Variants in B4GALNT2 observed in about 807,000 individuals in gnomAD.
B4GALNT2 encodes beta-1,4-N-acetyl-galactosaminyltransferase 2 (SID blood group).
In B4GALNT2, 42 loss-of-function variants were observed where a neutral mutation model predicts 51.1. The observed-to-expected ratio is 0.82, with a 90% CI of 0.64 to 1.06. The LOEUF is 1.06. Ranked by LOEUF, B4GALNT2 falls within the 50% of genes least tolerant of loss-of-function variation. B4GALNT2 has a pLI of 0.00. For synonymous variants in B4GALNT2, 253 were observed against 251.7 expected (o/e 1.01, Z -0.05); for missense variants, 602 against 633.6 (o/e 0.95, Z 0.54).
intron 7 of B4GALNT2, 93 bp from the exon 8 acceptor site, chr17:49,163,995 G>T (rs1348546369): frequency 1.6e-6 from 2 of 1,276,844 alleles, no homozygotes; most frequent in Non-Finnish European, 2.2e-6. Context: ...ACACTGACAG[G>T]TTATGGCAGA....
Position 49,136,082 on chromosome 17 carries a change from C to CAA in B4GALNT2, c.14+3290_14+3291dup, listed in dbSNP as rs60290551. On this transcript the variant is annotated intron_variant, in intron 1 of 10. Coordinates refer to ENST00000393354, the MANE Select transcript of B4GALNT2 (RefSeq NM_001159387.2). ...TGGGCAACAGAGCGAGACTCTGGAT[C>CAA]AAAAAAAAAAAAAAAGAAAATCCTG... 7.8e-3 allele frequency among the ~76,000 whole-genome samples: 927 copies of CAA among 119,448 alleles called. 6 individuals carry two copies. The highest frequency in any genetic ancestry group is 0.021 in the Middle Eastern group (5 of 234). The allele number at this position is 119,448 out of a possible 152,430, so 78.4% of individuals were successfully genotyped here.
intron 1 of B4GALNT2, among the ~76,000 whole-genome samples, chr17:49,140,520 C>A (rs1485611820): frequency 6.6e-6 from 1 of 152,184 alleles, no homozygotes; most frequent in Non-Finnish European, 1.5e-5. Flanking sequence ...ATGTCAGCAT[C>A]TCTAACTATC....
At position 49,172,156 on chromosome 17, in the gene B4GALNT2, C is replaced by A; in HGVS notation, c.*2428C>A. On this transcript the variant is annotated 3_prime_UTR_variant, in exon 11 of 11. Transcript: ENST00000393354. Reference sequence around the variant, plus strand: ...TCTGTGACAGCTTCTTGATCTGTCCCCAGGTAGGTGGCTGTGTTCGACAGC... The same window carrying A: ...TCTGTGACAGCTTCTTGATCTGTCCACAGGTAGGTGGCTGTGTTCGACAGC... The A allele has an allele frequency of 7.0e-6, 2 of 287,624 alleles. No homozygotes were observed. Among genetic ancestry groups the A allele is most frequent in the Non-Finnish European group, 6.4e-6 (1 of 156,080 alleles). 17.8% of individuals were successfully genotyped at this position (287,624 alleles called of 1,614,324 possible). A position where few individuals can be genotyped will look rare whatever the true frequency, so the allele number is the denominator to read the frequency against.
intron 3 of B4GALNT2, among the ~76,000 whole-genome samples, chr17:49,152,565 A>C (rs2042768560): frequency 2.0e-5 from 3 of 152,026 alleles, no homozygotes; most frequent in African/African-American, 7.3e-5. Flanking sequence ...AATCCCAGCT[A>C]CTAGGTAGGC....
Position 49,157,829 on chromosome 17 carries a change from T to C in B4GALNT2, c.499-1208T>C, listed in dbSNP as rs752004349. On this transcript the variant is annotated intron_variant, in intron 5 of 10. Coordinates refer to ENST00000393354, the MANE Select transcript of B4GALNT2 (RefSeq NM_001159387.2). Reference sequence around the variant, plus strand: ...GCTGCGCGTAGTTCCATGCTTATCATCTCTCTTCCACGCTGGAATACAAGC... The same window carrying C: ...GCTGCGCGTAGTTCCATGCTTATCACCTCTCTTCCACGCTGGAATACAAGC... 8.3e-4 allele frequency among the ~76,000 whole-genome samples: 126 copies of C among 152,308 alleles called. 1 individual carries two copies. The highest frequency in any genetic ancestry group is 2.9e-3 in the Admixed American group (44 of 15,290).
intron 1 of B4GALNT2, among the ~76,000 whole-genome samples, chr17:49,134,337 C>T (rs976159113): frequency 6.6e-6 from 1 of 152,214 alleles, no homozygotes; most frequent in African/African-American, 2.4e-5. Flanking sequence ...TACGTCTTCT[C>T]AAACGTTTAT....
At chr17:49,144,152 C>T (rs990891667) in intron 3 of B4GALNT2, among the ~76,000 whole-genome samples, 2 of 151,990 alleles carry the variant, frequency 1.3e-5, no homozygotes, top group East Asian at 3.8e-4. Context: ...GACTCCATCT[C>T]AAAACAACAA....
At chr17:49,162,836 C>T (rs1296688481) in intron 7 of B4GALNT2, among the ~76,000 whole-genome samples, 1 of 126,222 alleles carries the variant, frequency 7.9e-6, no homozygotes, top group Non-Finnish European at 1.6e-5. Context: ...TCGCTTGAAC[C>T]TGGGAGGTGG....
chr17:49,175,635 G>T lies in B4GALNT2; in HGVS notation c.*5907G>T, dbSNP rs966108682. ...CTGGCTGTCGTGGGGGACAGACATT[G>T]TACAGGGGTGAGGGAGTGAGCTATA... On this transcript the variant is annotated 3_prime_UTR_variant, in exon 11 of 11. Transcript: ENST00000393354. 1.3e-5 allele frequency: 2 copies of T among 152,202 alleles called. No individual in the cohort carries two copies. Among genetic ancestry groups the T allele is most frequent in the Admixed American group, 6.5e-5 (1 of 15,286 alleles). The allele number at this position is 152,202 out of a possible 1,614,324, so 9.4% of individuals were successfully genotyped here. A position where few individuals can be genotyped will look rare whatever the true frequency, so the allele number is the denominator to read the frequency against.
intron 3 of B4GALNT2, among the ~76,000 whole-genome samples, chr17:49,143,122 G>T (rs551915323): frequency 1.3e-5 from 2 of 152,016 alleles, no homozygotes; most frequent in African/African-American, 4.8e-5. Context: ...GGTGACGCAC[G>T]CTTGTAATCC....
At chr17:49,143,236 A>G (rs2042661495) in intron 3 of B4GALNT2, among the ~76,000 whole-genome samples, 1 of 152,082 alleles carries the variant, frequency 6.6e-6, no homozygotes, top group African/African-American at 2.4e-5. Flanking sequence ...GCAACAGAGC[A>G]AGACTCCATC....
chr17:49,148,584 C>A, intron 3 of B4GALNT2: 1 of 455,920 alleles, frequency 2.2e-6, no homozygotes, highest in Non-Finnish European at 4.3e-6. Context: ...ATACTGGATA[C>A]CCTTGTTGGT....
chr17:49,169,544 G>A lies in B4GALNT2; in HGVS notation c.1337G>A (p.Gly446Glu). ...GCAGAATTCTTCATTGATGGGCTAG[G>A]GACCCTACTCGTGGGGTCATGCCCA... The part of the protein sequence containing the change: ...AHSEFFIDGL[G>E]TLLVGSCPEV... Residue 446 changes from glycine to glutamate, a missense_variant, in exon 11 of 11, where the codon GGG becomes GAG. By Grantham distance (98) the Gly-to-Glu change is moderately conservative (BLOSUM62 -2). Coordinates refer to ENST00000393354, the MANE Select transcript of B4GALNT2 (RefSeq NM_001159387.2). 1.2e-6 allele frequency: 2 copies of A among 1,611,836 alleles called. No homozygotes were observed. The highest frequency in any genetic ancestry group is 8.5e-7 in the Non-Finnish European group (1 of 1,179,942).
upstream of B4GALNT2, among the ~76,000 whole-genome samples, chr17:49,132,263 G>A (rs896126430): frequency 1.3e-5 from 2 of 152,176 alleles, no homozygotes; most frequent in African/African-American, 2.4e-5. Flanking sequence ...AAGTTCAACA[G>A]ACTCTTTCTT....
At chr17:49,131,367 G>T (rs2042536923), upstream of B4GALNT2, among the ~76,000 whole-genome samples, 1 of 148,580 alleles carries the variant, frequency 6.7e-6, no homozygotes, top group Non-Finnish European at 1.5e-5. Flanking sequence ...CTGCCAAGGA[G>T]CTCAGACCTG....
At chr17:49,121,934 G>A in the B4GALNT2 span, among the ~76,000 whole-genome samples, 2 of 152,230 alleles carry the variant, frequency 1.3e-5, no homozygotes, top group Non-Finnish European at 2.9e-5. Flanking sequence ...TTATTTTGGA[G>A]AATAAACCTG....
chr17:49,168,855 CAA>C lies in B4GALNT2; in HGVS notation c.1272_1273del (p.Arg425SerfsTer4). The C allele has an allele frequency of 6.2e-7, 1 of 1,613,328 alleles. No homozygotes were observed. Among genetic ancestry groups the C allele is most frequent in the Middle Eastern group, 1.8e-4 (1 of 5,418 alleles). ...CTTCCTGGCCCACACGGAGCGACTCCAAAGAGTTGGCTTTGATCCCCGCCTGC... is the reference window on the plus strand; with the variant it reads ...CTTCCTGGCCCACACGGAGCGACTCCAGAGTTGGCTTTGATCCCCGCCTGC... ...NFFLAHTERLQRVGFDPRLQR... is the reference protein window; with the variant it reads ...NFFLAHTERLXRVGFDPRLQR... On this transcript the variant is annotated frameshift_variant, in exon 10 of 11. Transcript: ENST00000393354. LOFTEE classifies it low-confidence loss of function (END_TRUNC).
At chr17:49,149,687 C>A (rs2032679049) in intron 3 of B4GALNT2, among the ~76,000 whole-genome samples, 1 of 152,178 alleles carries the variant, frequency 6.6e-6, no homozygotes, top group Non-Finnish European at 1.5e-5. Context: ...ATGTTCATTT[C>A]AAACAATGCT....
chr17:49,147,499 C>G (rs907673728), intron 3 of B4GALNT2, among the ~76,000 whole-genome samples: 2 of 151,846 alleles, frequency 1.3e-5, no homozygotes, highest in African/African-American at 2.4e-5. Flanking sequence ...CTCAGCCTCC[C>G]AAATAGCTGG....
Sources: allele counts gnomAD v4.1 joint callset (sites outside exome capture counted in the v4.1 genomes callset), GRCh38; gene constraint gnomAD v4.1.1; transcripts MANE v1.5; gene names NCBI Gene and HGNC (gene_info 2026-07-23, HGNC 2026-07-21).